SPATA18: variants seen among roughly 807,000 people sequenced by gnomAD.
SPATA18 encodes the protein mitochondria-eating protein.
Under a neutral mutation model 68.1 loss-of-function variants are expected in SPATA18, and 54 were observed. That is an observed-to-expected ratio of 0.79 (90% CI 0.64 to 0.99). SPATA18 has a LOEUF of 0.99. Among genes scored for constraint, SPATA18 ranks in the 50% least tolerant of loss-of-function variants. The probability of loss-of-function intolerance (pLI) is 0.00; values close to 1 mark genes in which losing one functional copy is unlikely to be tolerated. For synonymous variants in SPATA18, 242 were observed against 244.8 expected, an observed-to-expected ratio of 0.99 and a Z score of 0.11; for missense variants, 724 against 681.1, an observed-to-expected ratio of 1.06 and a Z score of -0.70.
chr4:52,054,542 C>T (rs544568722), intron 1 of SPATA18, among the ~76,000 whole-genome samples: 5 of 152,232 alleles, frequency 3.3e-5, no homozygotes, highest in African/African-American at 1.2e-4. Context: ...GCATAGTAAG[C>T]AAACATGCAT....
At chr4:52,061,699 A>C (rs1738870687) in intron 3 of SPATA18, among the ~76,000 whole-genome samples, 1 of 151,974 alleles carries the variant, frequency 6.6e-6, no homozygotes, top group Non-Finnish European at 1.5e-5. Context: ...GGTTTTGCTG[A>C]TCTAAAAGGT....
chr4:52,087,841 A>T (rs1023143235), intron 11 of SPATA18, among the ~76,000 whole-genome samples: 1 of 152,162 alleles, frequency 6.6e-6, no homozygotes, highest in Admixed American at 6.5e-5. Flanking sequence ...ATAGCATTGA[A>T]TCTATAAATT....
At chr4:52,054,438 G>A (rs1738157375) in intron 1 of SPATA18, among the ~76,000 whole-genome samples, 1 of 152,198 alleles carries the variant, frequency 6.6e-6, no homozygotes, top group African/African-American at 2.4e-5. Context: ...GGCACTTGGA[G>A]GTAGGAAAGG....
chr4:52,087,534 C>T (rs534962443), intron 11 of SPATA18, among the ~76,000 whole-genome samples: 9 of 152,092 alleles, frequency 5.9e-5, no homozygotes, highest in Non-Finnish European at 1.2e-4. Flanking sequence ...AATCTTTTTT[C>T]CCCTTTGCTT....
At chr4:52,094,790 C>G in intron 12 of SPATA18, 90 bp from the exon 13 acceptor site, 1 of 1,552,758 alleles carries the variant, frequency 6.4e-7, no homozygotes, top group African/African-American at 1.4e-5. Context: ...TTGCCATAAA[C>G]CTAGATTAAC....
intron 10 of SPATA18, 36 bp downstream of exon 10, chr4:52,082,546 G>A (rs1288130358): frequency 1.9e-6 from 3 of 1,613,766 alleles, no homozygotes; most frequent in Non-Finnish European, 2.5e-6. Flanking sequence ...TTCATCCCAA[G>A]TGTTTGATTC....
intron 11 of SPATA18, 62 bp from the exon 12 acceptor site, chr4:52,094,465 A>AAGAG: frequency 6.4e-7 from 1 of 1,551,686 alleles, no homozygotes; most frequent in East Asian, 2.2e-5. Flanking sequence ...AATATGTCAA[A>AAGAG]AGAATTCATC....
chr4:52,088,509 T>A (rs761089008), intron 11 of SPATA18, among the ~76,000 whole-genome samples: 4 of 151,644 alleles, frequency 2.6e-5, no homozygotes, highest in Non-Finnish European at 3.0e-5. Flanking sequence ...TTATTGAATT[T>A]ATTGAATTTT....
At chr4:52,056,090 C>T (rs1738317377) in intron 1 of SPATA18, among the ~76,000 whole-genome samples, 1 of 152,114 alleles carries the variant, frequency 6.6e-6, no homozygotes, top group Non-Finnish European at 1.5e-5. Flanking sequence ...TTCACTGGCT[C>T]TTCTTACTCA....
intron 10 of SPATA18, among the ~76,000 whole-genome samples, chr4:52,083,741 C>CTT (rs530695076): frequency 8.2e-5 from 10 of 121,594 alleles, no homozygotes; most frequent in African/African-American, 2.3e-4. Context: ...AAGATCCTGT[C>CTT]TTTTTTTTTT....
In SPATA18 at chr4:52,078,841, T is replaced by C. The variant is rs143018963; in HGVS notation, c.1127T>C (p.Leu376Ser). Residue 376 changes from leucine to serine, a missense_variant, in exon 8 of 13, where the codon TTG becomes TCG. Coordinates refer to ENST00000295213, the MANE Select transcript of SPATA18 (RefSeq NM_145263.4). ...VGSNDFENAV[L>S]DYVICHLDLY... The stretch of plus-strand genomic sequence containing the variant: ...TCGAATGACTTTGAGAATGCTGTCT[T>C]GGATTATGTCATTTGTCATCTTGAT... 3.7e-6 allele frequency: 6 copies of C among 1,607,114 alleles called. No homozygotes were observed. Among genetic ancestry groups the C allele is most frequent in the Non-Finnish European group, 2.6e-6 (3 of 1,174,352 alleles).
chr4:52,052,437 C>G (rs563987189), intron 1 of SPATA18, among the ~76,000 whole-genome samples: 1 of 152,268 alleles, frequency 6.6e-6, no homozygotes, highest in South Asian at 2.1e-4. Flanking sequence ...GAGCACTTTT[C>G]AAATCTCATT....
intron 4 of SPATA18, among the ~76,000 whole-genome samples, chr4:52,062,568 A>G (rs550182406): frequency 8.0e-4 from 122 of 152,164 alleles, no homozygotes; most frequent in African/African-American, 2.7e-3. Flanking sequence ...ATTATGATAC[A>G]TGGTCCCCTG....
chr4:52,072,350 C>T (rs1739936971), intron 6 of SPATA18, among the ~76,000 whole-genome samples, 194 bp downstream of exon 6: 1 of 152,104 alleles, frequency 6.6e-6, no homozygotes, highest in East Asian at 1.9e-4. Flanking sequence ...TCCTGAGTTG[C>T]CAGCACTTGG....
chr4:52,060,721 A>G, intron 2 of SPATA18, 61 bp from the exon 3 acceptor site: 1 of 1,385,818 alleles, frequency 7.2e-7, no homozygotes, highest in Non-Finnish European at 1.0e-6. Flanking sequence ...GGTTAGTTAC[A>G]TATGTATACA....
chr4:52,094,753 G>GA, intron 12 of SPATA18, 127 bp from the exon 13 acceptor site: 1 of 1,382,454 alleles, frequency 7.2e-7, no homozygotes. Context: ...GGGTCATGTA[G>GA]AAGGAGCTTC....
At chr4:52,063,464 C>A (rs558810161) in intron 4 of SPATA18, among the ~76,000 whole-genome samples, 1 of 152,176 alleles carries the variant, frequency 6.6e-6, no homozygotes, top group South Asian at 2.1e-4. Flanking sequence ...CAGTTATATA[C>A]CTGAAGCAGT....
At position 52,080,772 on chromosome 4, in the gene SPATA18, G is replaced by T. The variant is rs146804906; in HGVS notation, c.1355+853G>T. ...CCTAGGGTCGTAGAAGGTTAGTTGA[G>T]ATAATTCAGACAAGGCACTTAGGAT... On this transcript the variant is annotated intron_variant, in intron 9 of 12. Coordinates refer to ENST00000295213, the MANE Select transcript of SPATA18 (RefSeq NM_145263.4). Among the ~76,000 whole-genome samples, 456 of 152,320 alleles carry T rather than the reference G, an allele frequency of 3.0e-3. 3 individuals are homozygous for T. Among genetic ancestry groups the T allele is most frequent in the African/African-American group, 0.01 (428 of 41,574 alleles).
intron 12 of SPATA18, 70 bp downstream of exon 12, chr4:52,094,642 G>A (rs985036696): frequency 2.7e-6 from 4 of 1,468,678 alleles, no homozygotes; most frequent in Non-Finnish European, 2.9e-6. Flanking sequence ...TTAGCACTGA[G>A]CAGCAAAATG....
Sources: gnomAD v4.1 joint callset for allele counts (sites outside exome capture counted in the v4.1 genomes callset) on GRCh38, gnomAD v4.1.1 for gene constraint, MANE v1.5 for transcripts, NCBI Gene and HGNC (gene_info 2026-07-23, HGNC 2026-07-21) for gene names.